Variants in CARMIL3 observed in about 807,000 individuals in gnomAD.
The protein encoded by CARMIL3 is capping protein, Arp2/3 and myosin-I linker protein 3.
In CARMIL3, 88 loss-of-function variants were observed where a neutral mutation model predicts 180.8. The observed-to-expected ratio is 0.49, with a 90% CI of 0.41 to 0.58. CARMIL3 has a LOEUF of 0.58. Ranked by LOEUF, CARMIL3 falls within the 20% of genes least tolerant of loss-of-function variation. The probability of loss-of-function intolerance (pLI) is 0.00; values close to 1 mark genes in which losing one functional copy is unlikely to be tolerated. For synonymous variants in CARMIL3, 696 were observed against 714.5 expected (o/e 0.97, Z 0.41); for missense variants, 1,548 against 1,787.0 (o/e 0.87, Z 2.41).
Position 24,066,475 on chromosome 14 carries a change from T to C in CARMIL3, c.3592+11T>C, listed in dbSNP as rs1351316525. ...CTTCAGACGACGCAGGTAAGAACAG[T>C]CACATTCAAAGCCCTTTTGGACCCC... is the stretch of plus-strand genomic sequence containing the variant. On this transcript the variant is annotated intron_variant, in intron 35 of 39. Transcript: ENST00000342740. 6.2e-7 allele frequency: 1 copy of C among 1,613,194 alleles called. No homozygotes were observed. Among genetic ancestry groups the C allele is most frequent in the Admixed American group, 1.7e-5 (1 of 59,972 alleles).
Position 24,058,594 on chromosome 14 carries a change from C to CTGGTG in CARMIL3, c.1393-83_1393-79dup. The CTGGTG allele has an allele frequency of 9.6e-7, 1 of 1,044,984 alleles. No individual in the cohort carries two copies. Among genetic ancestry groups the CTGGTG allele is most frequent in the Admixed American group, 2.1e-5 (1 of 47,782 alleles). 64.7% of individuals were successfully genotyped at this position (1,044,984 alleles called of 1,614,324 possible). ...CCAGATCCTGGCATGACTTTGAGTT[C>CTGGTG]TGGTGTGACTACTATATCCTAAGCA... On this transcript the variant is annotated intron_variant, in intron 17 of 39. Coordinates refer to ENST00000342740, the MANE Select transcript of CARMIL3 (RefSeq NM_138360.4). This position sits in a 1 kb window ranked among gnomAD's most constrained non-coding sequence, Gnocchi z 6.4.
intron 36 of CARMIL3, among the ~76,000 whole-genome samples, chr14:24,067,406 CT>C (rs532327442): frequency 4.6e-5 from 7 of 152,256 alleles, no homozygotes; most frequent in Non-Finnish European, 1.0e-4. Context: ...CAAAATCTCT[CT>C]GTAGATGGAG....
Position 24,055,295 on chromosome 14 carries a change from G to T in CARMIL3, c.590G>T (p.Ser197Ile). The T allele has an allele frequency of 1.9e-6, 3 of 1,614,110 alleles. No homozygotes were observed. Among genetic ancestry groups the T allele is most frequent in the Non-Finnish European group, 2.5e-6 (3 of 1,180,022 alleles). The change falls in exon 8 of 40, where the codon AGC (serine) becomes ATC (isoleucine). Residue 197 changes from serine (S) to isoleucine (I), a missense_variant. Ser to Ile is a moderately radical substitution (Grantham distance 142, BLOSUM62 -2). Around this residue, in one of 4 missense-constraint regions of CARMIL3, gnomAD observed 578 missense variants for 666.5 expected, o/e 0.87. Transcript: ENST00000342740. ...CGGGAGTTCAATCTTTTGGATTTCA[G>T]CCACTTGGAGAGCCGGTAAGCAGAT... ...DNREFNLLDFSHLESRDLALM... is the reference protein window; with the variant it reads ...DNREFNLLDFIHLESRDLALM...
In CARMIL3 at chr14:24,066,446, C is replaced by T. The variant is rs374290053; in HGVS notation, c.3574C>T (p.Arg1192Cys). Reference protein sequence around the residue: ...EGSTQAWQKRRSSDDAGPGSW... With the variant: ...EGSTQAWQKRCSSDDAGPGSW... The stretch of plus-strand genomic sequence containing the variant: ...CAGCACCCAGGCCTGGCAGAAACGG[C>T]GCTCTTCAGACGACGCAGGTAAGAA... The change falls in exon 35 of 40, where the codon CGC (arginine) becomes TGC (cysteine). Residue 1192 changes from arginine (R) to cysteine (C), a missense_variant. Arg to Cys is a radical substitution (Grantham distance 180, BLOSUM62 -3). Transcript: ENST00000342740. 28 of 1,614,088 alleles carry T rather than the reference C, an allele frequency of 1.7e-5. No individual in the cohort carries two copies. Among genetic ancestry groups the T allele is most frequent in the East Asian group, 2.2e-5 (1 of 44,898 alleles).
Position 24,052,075 on chromosome 14 carries a change from A to T in CARMIL3, c.-79A>T. On this transcript the variant is annotated 5_prime_UTR_variant, in exon 1 of 40. Coordinates refer to ENST00000342740, the MANE Select transcript of CARMIL3 (RefSeq NM_138360.4). Reference sequence around the variant, plus strand: ...AGCGCTCAGCGCCCGGGCCCTGCTGAAGCCGGGTCTAGCATGTGCCGCGGC... The same window carrying T: ...AGCGCTCAGCGCCCGGGCCCTGCTGTAGCCGGGTCTAGCATGTGCCGCGGC... 1.1e-5 allele frequency: 15 copies of T among 1,427,540 alleles called. No individual in the cohort carries two copies. The South Asian group carries it at 1.9e-4, about 18-fold the overall frequency. The allele number at this position is 1,427,540 out of a possible 1,614,324, so 88.4% of individuals were successfully genotyped here. A position where few individuals can be genotyped will look rare whatever the true frequency, so the allele number is the denominator to read the frequency against.
Position 24,068,809 on chromosome 14 carries a change from A to T in CARMIL3, c.3825A>T (p.Pro1275=), listed in dbSNP as rs776798749. The change falls in exon 38 of 40, where the codon CCA becomes CCT. Residue 1275 remains proline (P), a synonymous_variant. Transcript: ENST00000342740. ...AGCTACAGGACCCCGCTCTAGCTCC[A>T]TGGCCTCCCAAGCCAGTGGCTGTGC... ...NAKLQDPALA[P]WPPKPVAVPR... The T allele has an allele frequency of 8.7e-6, 14 of 1,613,790 alleles. No individual in the cohort carries two copies. Among genetic ancestry groups the T allele is most frequent in the Non-Finnish European group, 1.2e-5 (14 of 1,180,020 alleles).
In CARMIL3 at chr14:24,058,908, T is replaced by G; in HGVS notation, c.1493T>G (p.Leu498Arg). ...LSDNGFDSDLLTLVPALGKNK... is the reference protein window; with the variant it reads ...LSDNGFDSDLRTLVPALGKNK... Reference sequence around the variant, plus strand: ...TCACCAGGGTTCGACTCGGACCTCCTGACACTGGTGCCTGCACTTGGCAAG... The same window carrying G: ...TCACCAGGGTTCGACTCGGACCTCCGGACACTGGTGCCTGCACTTGGCAAG... The change falls in exon 19 of 40, where the codon CTG (leucine) becomes CGG (arginine). Residue 498 changes from leucine to arginine, a missense_variant. By Grantham distance (102) the Leu-to-Arg change is moderately radical. Transcript: ENST00000342740. This position sits in a 1 kb window ranked among gnomAD's most constrained non-coding sequence, Gnocchi z 6.4. 1 of 1,614,250 alleles carries G rather than the reference T, an allele frequency of 6.2e-7. No homozygotes were observed. The highest frequency in any genetic ancestry group is 8.5e-7 in the Non-Finnish European group (1 of 1,180,044).
Position 24,054,104 on chromosome 14 carries a change from G to A in CARMIL3, c.152G>A (p.Arg51His), listed in dbSNP as rs370869363. 6 of 1,613,836 alleles carry A rather than the reference G, an allele frequency of 3.7e-6. No individual in the cohort carries two copies. In the African/African-American group the frequency reaches 4.0e-5, roughly 11 times the overall value. ...EDRVLALTSW[R>H]LHLFLLKVPA... Reference sequence around the variant, plus strand: ...TCTCTGTAGGCCCTGACCTCCTGGCGCCTCCACCTCTTCCTCCTTAAAGTC... The same window carrying A: ...TCTCTGTAGGCCCTGACCTCCTGGCACCTCCACCTCTTCCTCCTTAAAGTC... The change falls in exon 3 of 40, where the codon CGC becomes CAC. Residue 51 changes from arginine to histidine, a missense_variant. Arg to His is a conservative substitution (Grantham distance 29, BLOSUM62 0). Transcript: ENST00000342740. This position sits in a 1 kb window ranked among gnomAD's most constrained non-coding sequence, Gnocchi z 5.1.
chr14:24,053,002 A>T (rs889142986), intron 1 of CARMIL3, among the ~76,000 whole-genome samples: 1 of 152,040 alleles, frequency 6.6e-6, no homozygotes, highest in Non-Finnish European at 1.5e-5. Flanking sequence ...CACACACAGC[A>T]CAATCATTAG....
At chr14:24,060,500 G>T (rs1217617220) in intron 24 of CARMIL3, 128 bp from the exon 25 acceptor site, 2 of 1,406,820 alleles carry the variant, frequency 1.4e-6, no homozygotes, top group Non-Finnish European at 9.7e-7. Flanking sequence ...TAGCAATGGG[G>T]ACCAGGCCAG....
At chr14:24,055,420 C>T (rs1315997968) in intron 8 of CARMIL3, 110 bp downstream of exon 8, 1 of 1,484,406 alleles carries the variant, frequency 6.7e-7, no homozygotes, top group South Asian at 1.1e-5. Context: ...ATCTCCCCAA[C>T]TCCATCCCAT....
Position 24,059,210 on chromosome 14 carries a change from G to A in CARMIL3, c.1626+21G>A, listed in dbSNP as rs780322662. Reference sequence around the variant, plus strand: ...ACTGTGTGAGTGCCTGGGCCTGGGAGGGGACCTGCAGTCGGAGGAGGCTGT... The same window carrying A: ...ACTGTGTGAGTGCCTGGGCCTGGGAAGGGACCTGCAGTCGGAGGAGGCTGT... On this transcript the variant is annotated intron_variant, in intron 20 of 39. Transcript: ENST00000342740. This position sits in a 1 kb window ranked among gnomAD's most constrained non-coding sequence, Gnocchi z 6.3. 8.1e-6 allele frequency: 13 copies of A among 1,613,530 alleles called. No individual in the cohort carries two copies. Among genetic ancestry groups the A allele is most frequent in the Middle Eastern group, 1.7e-4 (1 of 6,026 alleles).
At chr14:24,052,547 G>A (rs2035627948) in intron 1 of CARMIL3, among the ~76,000 whole-genome samples, 1 of 152,142 alleles carries the variant, frequency 6.6e-6, no homozygotes. Flanking sequence ...GCCGGGCGGG[G>A]CCAAGCCCGC....
chr14:24,054,770 A>G lies in CARMIL3; in HGVS notation c.422A>G (p.Asn141Ser), dbSNP rs781220658. Reference sequence around the variant, plus strand: ...GAGGGGCCCCGAGATACATCCCCCAACTCTGAGACTTCCACATCTACCACC... The same window carrying G: ...GAGGGGCCCCGAGATACATCCCCCAGCTCTGAGACTTCCACATCTACCACC... ...TPEGPRDTSP[N>S]SETSTSTTHS... is the part of the protein sequence containing the mutation. Residue 141 changes from asparagine (N) to serine (S), a missense_variant, in exon 6 of 40, where the codon AAC becomes AGC. This residue lies in a region of CARMIL3 where 578 missense variants were observed against 666.5 expected (regional missense o/e 0.87). Coordinates refer to ENST00000342740, the MANE Select transcript of CARMIL3 (RefSeq NM_138360.4). The surrounding 1 kb of genome is among the most constrained non-coding windows in gnomAD (Gnocchi z 5.1). 1.9e-6 allele frequency: 3 copies of G among 1,614,004 alleles called. No homozygotes were observed. In the South Asian group the frequency reaches 3.3e-5, roughly 18 times the overall value.
intron 10 of CARMIL3, 111 bp from the exon 11 acceptor site, chr14:24,056,188 G>T: frequency 3.7e-6 from 3 of 817,580 alleles, no homozygotes; most frequent in Non-Finnish European, 5.9e-6. Flanking sequence ...TGTTGTGGGG[G>T]CCTCTGACCA....
chr14:24,064,093 CAAAAAAAAA>C (rs564964326), intron 31 of CARMIL3, among the ~76,000 whole-genome samples, 144 bp from the exon 32 acceptor site: 2 of 64,180 alleles, frequency 3.1e-5, no homozygotes, highest in African/African-American at 1.2e-4. Context: ...GACTCCGTCT[CAAAAAAAAA>C]AAAAAAAAAG....
At chr14:24,066,687 C>T (rs749628171) in intron 36 of CARMIL3, 31 bp downstream of exon 36, 3 of 1,609,682 alleles carry the variant, frequency 1.9e-6, no homozygotes, top group East Asian at 2.2e-5. Flanking sequence ...GGCAGCAGTA[C>T]TGAAAGCCCA....
chr14:24,056,415 T>C, intron 11 of CARMIL3, 22 bp downstream of exon 11: 1 of 1,605,778 alleles, frequency 6.2e-7, no homozygotes, highest in African/African-American at 1.3e-5. Context: ...CCCTGAATCC[T>C]GTCCCCATCC....
intron 27 of CARMIL3, 100 bp from the exon 28 acceptor site, chr14:24,062,380 A>T: frequency 9.2e-7 from 1 of 1,082,154 alleles, no homozygotes; most frequent in Non-Finnish European, 1.4e-6. Context: ...AGACCAGGCC[A>T]GCTGGCCGTT....
Sources: allele counts gnomAD v4.1 joint callset (sites outside exome capture counted in the v4.1 genomes callset), GRCh38; gene constraint gnomAD v4.1.1; regional missense constraint gnomAD v4.1.1; non-coding constraint Gnocchi (gnomAD v3.1); transcripts MANE v1.5; gene names NCBI Gene and HGNC (gene_info 2026-07-23, HGNC 2026-07-21).